RYR2: variants seen among roughly 807,000 people sequenced by gnomAD.
The protein encoded by RYR2 is cardiac muscle ryanodine receptor-calcium release channel.
In RYR2, 227 loss-of-function variants were observed where a neutral mutation model predicts 601.1. The ratio of observed to expected loss-of-function variants is 0.38; its 90% CI spans 0.34 to 0.42. The LOEUF is 0.42. Ranked by LOEUF, RYR2 falls within the 10% of genes least tolerant of loss-of-function variation. The pLI is 1.00. For synonymous variants in RYR2, 2,223 were observed against 2,175.1 expected, an observed-to-expected ratio of 1.02 and a Z score of -0.61; for missense variants, 4,646 against 6,156.5, an observed-to-expected ratio of 0.75 and a Z score of 8.21.
At chr1:237,323,531 T>A (rs1695842441) in intron 2 of RYR2, among the ~76,000 whole-genome samples, 3 of 152,218 alleles carry the variant, frequency 2.0e-5, no homozygotes, top group Non-Finnish European at 4.4e-5. Context: ...ATTTGAATTT[T>A]AAAATAATTG....
In RYR2 at chr1:237,550,597, C is replaced by T; in HGVS notation, c.3120C>T (p.Asp1040=). 2.5e-6 allele frequency: 4 copies of T among 1,605,346 alleles called. No homozygotes were observed. The highest frequency in any genetic ancestry group is 3.4e-6 in the Non-Finnish European group (4 of 1,175,788). The part of the protein sequence containing the change: ...PRLVPYTLLD[D]RTKKSNKDSL... ...TTGTTCCCTACACTCTTCTGGATGA[C>T]CGAACCAAGAAATCCAACAAGGACA... is the stretch of plus-strand genomic sequence containing the variant. The change falls in exon 27 of 105, where the codon GAC becomes GAT. Residue 1040 remains aspartate, a synonymous_variant. Transcript: ENST00000366574.
At chr1:237,122,398 C>A (rs867531399) in intron 1 of RYR2, among the ~76,000 whole-genome samples, 3 of 152,230 alleles carry the variant, frequency 2.0e-5, no homozygotes, top group African/African-American at 7.2e-5. Context: ...TTAGCAAACT[C>A]TGGCCAGCCA....
At chr1:237,043,067 A>G (rs1660118459) in intron 1 of RYR2, among the ~76,000 whole-genome samples, 1 of 152,138 alleles carries the variant, frequency 6.6e-6, no homozygotes, top group Non-Finnish European at 1.5e-5. Context: ...GTTGTCACGG[A>G]GCGAAGACGT....
At chr1:237,504,793 T>G (rs1308794873) in intron 22 of RYR2, among the ~76,000 whole-genome samples, 1 of 152,178 alleles carries the variant, frequency 6.6e-6, no homozygotes, top group African/African-American at 2.4e-5. Flanking sequence ...TGGCACTAGG[T>G]ACCGGTTTCC....
chr1:237,806,326 G>C lies in RYR2; in HGVS notation c.14298+43G>C, dbSNP rs533386579. On this transcript the variant is annotated intron_variant, in intron 99 of 104. Coordinates refer to ENST00000366574, the MANE Select transcript of RYR2 (RefSeq NM_001035.3). Reference sequence around the variant, plus strand: ...TTCCTCCCTTGCAGAAAATAAAAAAGCAACAAATAAAACAAAGAAAAATAA... The same window carrying C: ...TTCCTCCCTTGCAGAAAATAAAAAACCAACAAATAAAACAAAGAAAAATAA... The C allele has an allele frequency of 2.6e-6, 4 of 1,562,998 alleles. No homozygotes were observed. In the African/African-American group the frequency reaches 5.5e-5, roughly 22 times the overall value.
At chr1:237,317,927 A>T (rs936549115) in intron 2 of RYR2, among the ~76,000 whole-genome samples, 1 of 152,144 alleles carries the variant, frequency 6.6e-6, no homozygotes, top group Non-Finnish European at 1.5e-5. Flanking sequence ...CTACATTTTG[A>T]TAGAATGTTT....
At chr1:237,672,240 C>G (rs955933562) in intron 58 of RYR2, among the ~76,000 whole-genome samples, 8 of 152,156 alleles carry the variant, frequency 5.3e-5, no homozygotes, top group African/African-American at 1.9e-4. Context: ...ACTTTGCATT[C>G]TTAGGATTTT....
intron 1 of RYR2, among the ~76,000 whole-genome samples, chr1:237,068,321 A>C (rs1663902908): frequency 1.3e-5 from 2 of 152,150 alleles, no homozygotes; most frequent in Non-Finnish European, 2.9e-5. Context: ...GATACCTATA[A>C]ATAGGCAAAA....
chr1:237,829,345 A>T (rs1348284813), intron 102 of RYR2, among the ~76,000 whole-genome samples: 1 of 152,204 alleles, frequency 6.6e-6, no homozygotes, highest in African/African-American at 2.4e-5. Context: ...CTTTTGCTAG[A>T]GGTGGCACAT....
At position 237,808,946 on chromosome 1, in the gene RYR2, A is replaced by G. The variant is rs762305687; in HGVS notation, c.14344A>G (p.Thr4782Ala). The G allele has an allele frequency of 1.9e-6, 3 of 1,613,246 alleles. No individual in the cohort carries two copies. Among genetic ancestry groups the G allele is most frequent in the African/African-American group, 1.3e-5 (1 of 74,934 alleles). Residue 4782 changes from threonine (T) to alanine (A), a missense_variant, in exon 100 of 105, where the codon ACT becomes GCT. Thr to Ala is a moderately conservative substitution (Grantham distance 58). Transcript: ENST00000366574. ...ATTAGCTGTTGTTGTATACCTATAC[A>G]CTGTGGTGGCATTCAATTTTTTCCG... is the stretch of plus-strand genomic sequence containing the variant. ...GLLAVVVYLY[T>A]VVAFNFFRKF...
chr1:237,826,429 G>A (rs916922969), intron 101 of RYR2, among the ~76,000 whole-genome samples: 17 of 152,142 alleles, frequency 1.1e-4, no homozygotes, highest in African/African-American at 4.1e-4. Flanking sequence ...AAAACCAAAC[G>A]CCACATGTTC....
At chr1:237,452,050 C>T (rs1658204488) in intron 14 of RYR2, among the ~76,000 whole-genome samples, 3 of 110,358 alleles carry the variant, frequency 2.7e-5, no homozygotes, top group African/African-American at 6.5e-5. Flanking sequence ...ATTCTTTTGG[C>T]CTGGGGTGGG....
At chr1:237,371,139 G>A (rs1700609617) in intron 6 of RYR2, among the ~76,000 whole-genome samples, 1 of 150,890 alleles carries the variant, frequency 6.6e-6, no homozygotes, top group African/African-American at 2.4e-5. Context: ...TAATTGAGAT[G>A]TTACTACGTT....
At chr1:237,203,834 C>G (rs1198211892) in intron 1 of RYR2, among the ~76,000 whole-genome samples, 1 of 152,178 alleles carries the variant, frequency 6.6e-6, no homozygotes, top group Non-Finnish European at 1.5e-5. Flanking sequence ...AGAACGTTTC[C>G]TCTTGCCCTA....
chr1:237,505,134 G>A (rs1427406684), intron 22 of RYR2, among the ~76,000 whole-genome samples: 2 of 152,258 alleles, frequency 1.3e-5, no homozygotes, highest in Non-Finnish European at 2.9e-5. Flanking sequence ...TCTTCCCTTA[G>A]GGGAGCTGCT....
chr1:237,240,665 C>CAAAAAAAAAAAAAAAA (rs35984919), intron 1 of RYR2, among the ~76,000 whole-genome samples: 2 of 55,140 alleles, frequency 3.6e-5, no homozygotes, highest in Non-Finnish European at 6.6e-5. Context: ...CTATAAAAGC[C>CAAAAAAAAAAAAAAAA]AAAAAAAAAA....
intron 84 of RYR2, among the ~76,000 whole-genome samples, chr1:237,765,363 A>G (rs1693767698): frequency 6.6e-6 from 1 of 152,126 alleles, no homozygotes; most frequent in Non-Finnish European, 1.5e-5. Context: ...TCATAAAAGC[A>G]AGACAAAGTT....
At chr1:237,122,926 G>A (rs113343467) in intron 1 of RYR2, among the ~76,000 whole-genome samples, 2 of 152,050 alleles carry the variant, frequency 1.3e-5, no homozygotes, top group African/African-American at 4.8e-5. Flanking sequence ...GTATATAAGG[G>A]CTACAATAAA....
At chr1:237,606,803 GCAGC>G (rs1677179034) in intron 35 of RYR2, among the ~76,000 whole-genome samples, 1 of 152,190 alleles carries the variant, frequency 6.6e-6, no homozygotes, top group East Asian at 1.9e-4. Flanking sequence ...AGTCATTTAT[GCAGC>G]CAACAGACAC....
Sources: gnomAD v4.1 joint callset for allele counts (sites outside exome capture counted in the v4.1 genomes callset) on GRCh38, gnomAD v4.1.1 for gene constraint, MANE v1.5 for transcripts, NCBI Gene and HGNC (gene_info 2026-07-23, HGNC 2026-07-21) for gene names.